The following GARS1 variants were observed in gnomAD, a reference collection of about 807,000 sequenced individuals.
The protein encoded by GARS1 is glycine--tRNA ligase.
In GARS1, 46 loss-of-function variants were observed where a neutral mutation model predicts 86.4. The observed-to-expected ratio is 0.53, with a 90% CI of 0.42 to 0.68. The LOEUF (loss-of-function observed/expected upper bound fraction) is 0.68. GARS1 is among the 30% of genes least tolerant of loss of function. The pLI is 0.00. For synonymous variants in GARS1, 342 were observed against 329.8 expected (o/e 1.04, Z -0.40); for missense variants, 797 against 915.6 (o/e 0.87, Z 1.67).
At chr7:30,624,157 A>G (rs1014542991) in intron 12 of GARS1, among the ~76,000 whole-genome samples, 4 of 151,818 alleles carry the variant, frequency 2.6e-5, no homozygotes, top group Admixed American at 6.6e-5. Flanking sequence ...AGTGTATTTT[A>G]TGTGCAGTCC....
chr7:30,624,583 G>A (rs570469129), intron 12 of GARS1, among the ~76,000 whole-genome samples: 2 of 152,132 alleles, frequency 1.3e-5, no homozygotes, highest in African/African-American at 2.4e-5. Context: ...GTTAAAAAAT[G>A]GATAGAATGA....
At chr7:30,595,423 C>T (rs1288995732) in intron 1 of GARS1, among the ~76,000 whole-genome samples, 1 of 152,188 alleles carries the variant, frequency 6.6e-6, no homozygotes, top group African/African-American at 2.4e-5. Context: ...TCTCCCTTCC[C>T]CATTCTGTCA....
At chr7:30,628,375 G>C in intron 13 of GARS1, 185 bp from the exon 14 acceptor site, 1 of 473,212 alleles carries the variant, frequency 2.1e-6, no homozygotes, top group Admixed American at 2.4e-5. Context: ...AGTAGAGACG[G>C]GGTTTCACCA....
chr7:30,618,025 T>C (rs1436318403), intron 10 of GARS1, among the ~76,000 whole-genome samples: 1 of 152,234 alleles, frequency 6.6e-6, no homozygotes, highest in Non-Finnish European at 1.5e-5. Flanking sequence ...GGTTCCAGTA[T>C]ACCCTTGGTT....
chr7:30,613,046 C>G (rs923739810), intron 8 of GARS1, among the ~76,000 whole-genome samples: 4 of 152,164 alleles, frequency 2.6e-5, no homozygotes, highest in Non-Finnish European at 4.4e-5. Context: ...CAGCGCCCAC[C>G]CATTTCCTGT....
intron 14 of GARS1, among the ~76,000 whole-genome samples, chr7:30,629,060 G>A (rs1324721575): frequency 2.6e-5 from 4 of 152,298 alleles, no homozygotes; most frequent in African/African-American, 9.6e-5. Context: ...CTCTGGTAAA[G>A]TATCAAAGGG....
chr7:30,612,512 T>C (rs187206805), intron 8 of GARS1, among the ~76,000 whole-genome samples: 45 of 151,550 alleles, frequency 3.0e-4, no homozygotes, highest in African/African-American at 1.1e-3. Context: ...ATTACCTTTT[T>C]CCTTGTTCAT....
intron 6 of GARS1, among the ~76,000 whole-genome samples, chr7:30,604,350 T>C (rs1791441158): frequency 6.6e-6 from 1 of 152,172 alleles, no homozygotes; most frequent in Admixed American, 6.5e-5. Flanking sequence ...CTACTGAGGC[T>C]CACCTCTTAA....
chr7:30,608,381 C>T (rs1791523722), intron 6 of GARS1, among the ~76,000 whole-genome samples: 1 of 152,110 alleles, frequency 6.6e-6, no homozygotes, highest in African/African-American at 2.4e-5. Context: ...ATAGATGTTC[C>T]TCAGGCTCTT....
intron 1 of GARS1, 113 bp from the exon 2 acceptor site, chr7:30,598,683 C>G (rs1192234110): frequency 6.9e-6 from 6 of 865,078 alleles, no homozygotes; most frequent in Non-Finnish European, 1.1e-5. Context: ...CACGCTTGGC[C>G]TGAATTGCAT....
Position 30,628,605 on chromosome 7 carries a change from G to A in GARS1, c.1745G>A (p.Gly582Asp), listed in dbSNP as rs2128135873. The change falls in exon 14 of 17, where the codon GGT becomes GAT. Residue 582 changes from glycine to aspartate, a missense_variant. By Grantham distance (94) the Gly-to-Asp change is moderately conservative. This residue lies in a region of GARS1 where 598 missense variants were observed against 738.7 expected (regional missense o/e 0.81). Coordinates refer to ENST00000389266, the MANE Select transcript of GARS1 (RefSeq NM_002047.4). Reference protein sequence around the residue: ...PNVIEPSFGLGRIMYTVFEHT... With the variant: ...PNVIEPSFGLDRIMYTVFEHT... ...GTAATTGAACCTTCCTTCGGCCTGG[G>A]TAGGATCATGTATACGGTATTTGAA... 4 of 1,613,134 alleles carry A rather than the reference G, an allele frequency of 2.5e-6. No homozygotes were observed. Among genetic ancestry groups the A allele is most frequent in the Non-Finnish European group, 3.4e-6 (4 of 1,179,176 alleles).
In GARS1 at chr7:30,633,796, T is replaced by C. The variant is rs750501453; in HGVS notation, c.2156T>C (p.Val719Ala). 3 of 1,613,808 alleles carry C rather than the reference T, an allele frequency of 1.9e-6. No individual in the cohort carries two copies. In the Admixed American group the frequency reaches 5.0e-5, roughly 27 times the overall value. ...AATGGCAACATCACATGGGCTGATGTGGAGGCCAGGTATCCTCTGTTTGAA... is the reference window on the plus strand; with the variant it reads ...AATGGCAACATCACATGGGCTGATGCGGAGGCCAGGTATCCTCTGTTTGAA... ...LANGNITWAD[V>A]EARYPLFEGQ... is the part of the protein sequence containing the mutation. Residue 719 changes from valine (V) to alanine (A), a missense_variant, in exon 17 of 17, where the codon GTG becomes GCG. Physicochemically the swap from Val to Ala is moderately conservative, Grantham distance 64. Coordinates refer to ENST00000389266, the MANE Select transcript of GARS1 (RefSeq NM_002047.4).
At chr7:30,622,519 G>A (rs1783034990) in intron 12 of GARS1, 57 bp downstream of exon 12, 1 of 1,592,446 alleles carries the variant, frequency 6.3e-7, no homozygotes, top group African/African-American at 1.3e-5. Flanking sequence ...TCATCTGCCA[G>A]GTTCTGAAAG....
In GARS1 at chr7:30,617,090, A is replaced by G. The variant is rs138311607; in HGVS notation, c.1195-24A>G. 4.3e-5 allele frequency: 69 copies of G among 1,613,192 alleles called. No individual in the cohort carries two copies. The African/African-American group carries it at 8.4e-4, about 20-fold the overall frequency. ...AATGTGTGTTTTCTTTTCTTCCTCCATGCTTGCTTATTGGTTGGTTTAGGG... is the reference window on the plus strand; with the variant it reads ...AATGTGTGTTTTCTTTTCTTCCTCCGTGCTTGCTTATTGGTTGGTTTAGGG... On this transcript the variant is annotated intron_variant, in intron 9 of 16. Transcript: ENST00000389266.
rs1195632636 is a variant in GARS1, at chr7:30,628,609, G to A, written c.1749G>A (p.Arg583=). Reference sequence around the variant, plus strand: ...TTGAACCTTCCTTCGGCCTGGGTAGGATCATGTATACGGTATTTGAACATA... The same window carrying A: ...TTGAACCTTCCTTCGGCCTGGGTAGAATCATGTATACGGTATTTGAACATA... ...NVIEPSFGLG[R]IMYTVFEHTF... Residue 583 remains arginine (R), a synonymous_variant, in exon 14 of 17, where the codon AGG becomes AGA. Transcript: ENST00000389266. 6.2e-7 allele frequency: 1 copy of A among 1,613,074 alleles called. No individual in the cohort carries two copies. The highest frequency in any genetic ancestry group is 1.3e-5 in the African/African-American group (1 of 74,922).
chr7:30,617,166 A>T lies in GARS1; in HGVS notation c.1247A>T (p.Tyr416Phe). ...TATTTCATTGGCCGCATCTACCTCT[A>T]CCTCACGAAGGTTGGAATATCTCCA... ...LGYFIGRIYL[Y>F]LTKVGISPDK... is the part of the protein sequence containing the mutation. Residue 416 changes from tyrosine (Y) to phenylalanine (F), a missense_variant, in exon 10 of 17, where the codon TAC (tyrosine) becomes TTC (phenylalanine). Coordinates refer to ENST00000389266, the MANE Select transcript of GARS1 (RefSeq NM_002047.4). 1 of 1,614,018 alleles carries T rather than the reference A, an allele frequency of 6.2e-7. No individual in the cohort carries two copies. Among genetic ancestry groups the T allele is most frequent in the South Asian group, 1.1e-5 (1 of 91,078 alleles).
chr7:30,611,959 A>G (rs1782767059), intron 7 of GARS1, 137 bp from the exon 8 acceptor site: 1 of 793,138 alleles, frequency 1.3e-6, no homozygotes, highest in East Asian at 2.5e-5. Context: ...TATTTCTAAA[A>G]CTTCATTTTA....
At chr7:30,621,885 T>C (rs1562780042) in intron 11 of GARS1, among the ~76,000 whole-genome samples, 2 of 152,236 alleles carry the variant, frequency 1.3e-5, no homozygotes, top group East Asian at 1.9e-4. Context: ...TGATAGTAGC[T>C]GAAATAATAA....
At position 30,612,157 on chromosome 7, in the gene GARS1, A is replaced by C; in HGVS notation, c.943A>C (p.Asn315His). 6.2e-7 allele frequency: 1 copy of C among 1,614,126 alleles called. No homozygotes were observed. Among genetic ancestry groups the C allele is most frequent in the Admixed American group, 1.7e-5 (1 of 60,032 alleles). The change falls in exon 8 of 17, where the codon AAC (asparagine) becomes CAC (histidine). Residue 315 changes from asparagine to histidine, a missense_variant. Asn to His is a moderately conservative substitution (Grantham distance 68, BLOSUM62 1). Transcript: ENST00000389266. ...GAATTTCAAACGACTTTTGGAGTTC[A>C]ACCAAGGAAAGTTGCCTTTTGCTGC... The part of the protein sequence containing the change: ...FLNFKRLLEF[N>H]QGKLPFAAAQ...
Sources: gnomAD v4.1 joint callset for allele counts (sites outside exome capture counted in the v4.1 genomes callset) on GRCh38, gnomAD v4.1.1 for gene constraint, gnomAD v4.1.1 regional missense constraint, MANE v1.5 for transcripts, NCBI Gene and HGNC (gene_info 2026-07-23, HGNC 2026-07-21) for gene names.